Variants in PCNT observed in about 807,000 individuals in gnomAD.
PCNT encodes the protein kendrin.
A neutral mutation model predicts 380.4 loss-of-function variants in PCNT; 319 were observed. The ratio of observed to expected loss-of-function variants is 0.84; its 90% CI spans 0.77 to 0.92. The LOEUF (loss-of-function observed/expected upper bound fraction) is 0.92, where lower values mean the gene tolerates loss of function less well. Ranked by LOEUF, PCNT falls within the 40% of genes least tolerant of loss-of-function variation. PCNT has a pLI of 0.00. For synonymous variants in PCNT, 1,845 were observed against 1,735.2 expected (o/e 1.06, Z -1.57); for missense variants, 4,400 against 4,255.3 (o/e 1.03, Z -0.95).
rs1309359572 is a variant in PCNT, at chr21:46,388,485, T to A, written c.3465-257T>A. On this transcript the variant is annotated intron_variant, in intron 17 of 46. Transcript: ENST00000359568. This position sits in a 1 kb window ranked among gnomAD's most constrained non-coding sequence, Gnocchi z 4.2. ...TGCCGTGTTCCTAATGTGATGCCTT[T>A]TACACATCAGAAATGGCATCAGGAA... 6.6e-6 allele frequency among the ~76,000 whole-genome samples: 1 copy of A among 152,190 alleles called. No homozygotes were observed. The highest frequency in any genetic ancestry group is 1.5e-5 in the Non-Finnish European group (1 of 68,022).
intron 39 of PCNT, among the ~76,000 whole-genome samples, 155 bp from the exon 40 acceptor site, chr21:46,436,824 G>A (rs927417258): frequency 6.6e-6 from 1 of 152,166 alleles, no homozygotes; most frequent in Non-Finnish European, 1.5e-5. Flanking sequence ...GCCCCCGTGG[G>A]CCCCTGGCTC....
chr21:46,335,977 C>T (rs1456240982), intron 3 of PCNT, among the ~76,000 whole-genome samples: 8 of 150,966 alleles, frequency 5.3e-5, no homozygotes, highest in Non-Finnish European at 8.9e-5. Flanking sequence ...TGCACTTGGC[C>T]GGCAAATTGT....
At chr21:46,378,392 G>A (rs908399536) in intron 15 of PCNT, among the ~76,000 whole-genome samples, 1 of 152,092 alleles carries the variant, frequency 6.6e-6, no homozygotes, top group Non-Finnish European at 1.5e-5. Flanking sequence ...GCAATTGAAC[G>A]GCCTCTCTTG....
At chr21:46,356,641 G>A (rs1160082827) in intron 12 of PCNT, among the ~76,000 whole-genome samples, 3 of 152,242 alleles carry the variant, frequency 2.0e-5, no homozygotes, top group African/African-American at 7.2e-5. Flanking sequence ...TCTGGTCACA[G>A]GCATGAGGCT....
At chr21:46,440,038 T>A (rs766248552) in intron 41 of PCNT, 45 bp from the exon 42 acceptor site, 13 of 1,612,806 alleles carry the variant, frequency 8.1e-6, no homozygotes, top group Non-Finnish European at 1.1e-5. Context: ...GATGCTCTTG[T>A]TGACGAGCAG....
chr21:46,416,966 C>T (rs1024760900), intron 30 of PCNT, 127 bp downstream of exon 30: 1 of 838,358 alleles, frequency 1.2e-6, no homozygotes, highest in Non-Finnish European at 1.8e-6. Context: ...GTGGGGCCAG[C>T]TCTGCAGGAC....
At position 46,444,810 on chromosome 21, in the gene PCNT, G is replaced by A. The variant is rs746696580; in HGVS notation, c.9956G>A (p.Gly3319Glu). The A allele has an allele frequency of 3.1e-6, 5 of 1,613,386 alleles. No individual in the cohort carries two copies. The highest frequency in any genetic ancestry group is 4.2e-6 in the Non-Finnish European group (5 of 1,179,350). The change falls in exon 46 of 47, where the codon GGG becomes GAG. Residue 3319 changes from glycine (G) to glutamate (E), a missense_variant. Physicochemically the swap from Gly to Glu is moderately conservative, Grantham distance 98. Transcript: ENST00000359568. Reference protein sequence around the residue: ...HLEVIQQRLGGVLPDSTSKKS... With the variant: ...HLEVIQQRLGEVLPDSTSKKS... ...GAAGTGATCCAGCAAAGATTGGGAG[G>A]GGTACTACCAGGTAATGCAAGTCCT...
chr21:46,367,579 T>G (rs1202840305), intron 15 of PCNT, among the ~76,000 whole-genome samples: 1 of 152,132 alleles, frequency 6.6e-6, no homozygotes, highest in African/African-American at 2.4e-5. Context: ...AGTGCTGGGA[T>G]TACAGGTATG....
Position 46,445,460 on chromosome 21 carries a change from T to A in PCNT, c.*133T>A, listed in dbSNP as rs1466536737. The A allele has an allele frequency of 7.7e-6, 6 of 778,126 alleles. No individual in the cohort carries two copies. Among genetic ancestry groups the A allele is most frequent in the African/African-American group, 1.7e-5 (1 of 58,648 alleles). The allele number at this position is 778,126 out of a possible 1,614,324, so 48.2% of individuals were successfully genotyped here. ...GCGGTGACACCAGCCCCCAGATGCC[T>A]TGAATTAAGTGTCCTCACCTTTATG... On this transcript the variant is annotated 3_prime_UTR_variant, in exon 47 of 47. Transcript: ENST00000359568.
At chr21:46,442,824 A>G (rs1023964154) in intron 44 of PCNT, 17 of 567,684 alleles carry the variant, frequency 3.0e-5, no homozygotes, top group Non-Finnish European at 4.7e-5. Flanking sequence ...TGCTCAATAT[A>G]TTGATTATTT....
At chr21:46,445,168 A>C in intron 46 of PCNT, 116 bp from the exon 47 acceptor site, 1 of 806,262 alleles carries the variant, frequency 1.2e-6, no homozygotes, top group Non-Finnish European at 2.2e-6. Flanking sequence ...TATAATTCAT[A>C]TTTTTACCAA....
chr21:46,368,170 C>A (rs922940300), intron 15 of PCNT, among the ~76,000 whole-genome samples: 2 of 151,420 alleles, frequency 1.3e-5, no homozygotes, highest in Admixed American at 1.3e-4. Context: ...AAAAAAAAAA[C>A]AAAAATAGCT....
At position 46,442,489 on chromosome 21, in the gene PCNT, T is replaced by A; in HGVS notation, c.9624-8T>A. 1 of 1,585,212 alleles carries A rather than the reference T, an allele frequency of 6.3e-7. No individual in the cohort carries two copies. Among genetic ancestry groups the A allele is most frequent in the Non-Finnish European group, 8.7e-7 (1 of 1,153,768 alleles). On this transcript the variant is annotated splice_region_variant and splice_polypyrimidine_tract_variant and intron_variant, in intron 43 of 46. Coordinates refer to ENST00000359568, the MANE Select transcript of PCNT (RefSeq NM_006031.6). ...CTTTTAAGTGTGTCTTGTCTCTTTT[T>A]TTTGTAGATTACGTTTTTTGGTTAA... is the stretch of plus-strand genomic sequence containing the variant.
chr21:46,368,409 G>T (rs1009970146), intron 15 of PCNT, among the ~76,000 whole-genome samples: 3 of 151,516 alleles, frequency 2.0e-5, no homozygotes, highest in Non-Finnish European at 4.4e-5. Flanking sequence ...GATCGCACCA[G>T]TGCACTCCAG....
intron 39 of PCNT, among the ~76,000 whole-genome samples, chr21:46,436,600 A>G (rs2053462115): frequency 6.6e-6 from 1 of 152,080 alleles, no homozygotes; most frequent in Non-Finnish European, 1.5e-5. Flanking sequence ...CTATACACAG[A>G]AACTCGGCAA....
chr21:46,395,901 C>A (rs947095076), intron 21 of PCNT, among the ~76,000 whole-genome samples: 2 of 150,888 alleles, frequency 1.3e-5, no homozygotes, highest in Non-Finnish European at 2.9e-5. Flanking sequence ...CTTCAGGACT[C>A]GGCAGCAGAG....
At position 46,397,329 on chromosome 21, in the gene PCNT, G is replaced by C; in HGVS notation, c.4281G>C (p.Lys1427Asn). ...EQSETRKQAE[K>N]DRSALLSQMK... Reference sequence around the variant, plus strand: ...CGGAGACCAGGAAGCAGGCTGAGAAGGACCGCTCAGCCCTGCTCTCCCAGA... The same window carrying C: ...CGGAGACCAGGAAGCAGGCTGAGAACGACCGCTCAGCCCTGCTCTCCCAGA... The change falls in exon 22 of 47, where the codon AAG (lysine) becomes AAC (asparagine). Residue 1427 changes from lysine to asparagine, a missense_variant. Coordinates refer to ENST00000359568, the MANE Select transcript of PCNT (RefSeq NM_006031.6). 1 of 1,614,124 alleles carries C rather than the reference G, an allele frequency of 6.2e-7. No homozygotes were observed. Among genetic ancestry groups the C allele is most frequent in the East Asian group, 2.2e-5 (1 of 44,862 alleles).
chr21:46,413,311 C>T (rs1569272702), intron 29 of PCNT, among the ~76,000 whole-genome samples: 2 of 99,594 alleles, frequency 2.0e-5, no homozygotes, highest in East Asian at 2.7e-4. Context: ...ACGGGGAAGG[C>T]ACGAGGCCCA....
chr21:46,326,385 C>G lies in PCNT; in HGVS notation c.63C>G (p.His21Gln), dbSNP rs776210054. The change falls in exon 2 of 47, where the codon CAC becomes CAG. Residue 21 changes from histidine to glutamine, a missense_variant. His to Gln is a conservative substitution (Grantham distance 24). Transcript: ENST00000359568. ...TCTACATTTTTGCGCAGCTTGCTCA[C>G]TTCCGACAGAGAAAAACAAAAGGTG... The part of the protein sequence containing the change: ...KVEAGRTKLA[H>Q]FRQRKTKGDS... 6 of 1,614,192 alleles carry G rather than the reference C, an allele frequency of 3.7e-6. No homozygotes were observed. The highest frequency in any genetic ancestry group is 2.2e-5 in the East Asian group (1 of 44,892).
Sources: allele counts gnomAD v4.1 joint callset (sites outside exome capture counted in the v4.1 genomes callset), GRCh38; gene constraint gnomAD v4.1.1; non-coding constraint Gnocchi (gnomAD v3.1); transcripts MANE v1.5; gene names NCBI Gene and HGNC (gene_info 2026-07-23, HGNC 2026-07-21).